Variants in SMYD3 observed in about 807,000 individuals in gnomAD.
SMYD3 encodes the protein histone-lysine N-methyltransferase SMYD3.
In SMYD3, 36 loss-of-function variants were observed where a neutral mutation model predicts 57.7. The ratio of observed to expected loss-of-function variants is 0.62; its 90% confidence interval spans 0.48 to 0.82. SMYD3 has a LOEUF of 0.82. Ranked by LOEUF, SMYD3 falls within the 40% of genes least tolerant of loss-of-function variation. The pLI is 0.00. For synonymous variants in SMYD3, 211 were observed against 195.0 expected (o/e 1.08, Z -0.68); for missense variants, 515 against 538.8 (o/e 0.96, Z 0.44).
At chr1:245,998,451 A>T (rs2058973478) in intron 5 of SMYD3, among the ~76,000 whole-genome samples, 1 of 152,176 alleles carries the variant, frequency 6.6e-6, no homozygotes, top group Non-Finnish European at 1.5e-5. Context: ...TTTACTAGCC[A>T]ATATTTCCAT....
chr1:246,191,432 C>T (rs753244268), intron 5 of SMYD3, among the ~76,000 whole-genome samples: 1 of 152,112 alleles, frequency 6.6e-6, no homozygotes, highest in Non-Finnish European at 1.5e-5. Flanking sequence ...GGTTTTGTTT[C>T]TTCAGAAAGA....
intron 8 of SMYD3, among the ~76,000 whole-genome samples, chr1:245,873,398 C>T (rs369546369): frequency 5.6e-4 from 85 of 152,302 alleles, no homozygotes; most frequent in African/African-American, 2.0e-3. Context: ...CTACCCAAGT[C>T]CTGCCAATAC....
At chr1:246,064,257 C>G (rs1034276216) in intron 5 of SMYD3, among the ~76,000 whole-genome samples, 2 of 152,196 alleles carry the variant, frequency 1.3e-5, no homozygotes, top group African/African-American at 4.8e-5. Flanking sequence ...TGCCCTCAAC[C>G]TCCCGAGCAT....
chr1:245,952,057 GC>G (rs768386579), intron 5 of SMYD3, among the ~76,000 whole-genome samples: 1 of 144,872 alleles, frequency 6.9e-6, no homozygotes, highest in South Asian at 2.2e-4. Context: ...ATTAGAATTT[GC>G]CGTTTCTGGA....
chr1:246,376,858 G>A (rs1209083332), intron 1 of SMYD3, among the ~76,000 whole-genome samples: 1 of 151,958 alleles, frequency 6.6e-6, no homozygotes, highest in African/African-American at 2.4e-5. Context: ...CCAGCACTTT[G>A]GGAGGCTGAG....
intron 10 of SMYD3, among the ~76,000 whole-genome samples, chr1:245,840,605 TAGAGA>T (rs2050351616): frequency 6.6e-6 from 1 of 152,062 alleles, no homozygotes; most frequent in Non-Finnish European, 1.5e-5. Context: ...AGATGTAGAA[TAGAGA>T]AAAGAACATA....
At chr1:246,311,665 GCACACA>G (rs1409150621) in intron 5 of SMYD3, among the ~76,000 whole-genome samples, 1 of 152,062 alleles carries the variant, frequency 6.6e-6, no homozygotes, top group Non-Finnish European at 1.5e-5. Flanking sequence ...GCGCACGCGC[GCACACA>G]CACGCACACA....
chr1:246,088,482 C>T (rs569242934), intron 5 of SMYD3, among the ~76,000 whole-genome samples: 21 of 130,366 alleles, frequency 1.6e-4, no homozygotes, highest in South Asian at 7.8e-4. Flanking sequence ...TGGTGACAGG[C>T]GCCTGTAGTC....
chr1:246,228,622 T>C (rs1333997141), intron 5 of SMYD3, among the ~76,000 whole-genome samples: 1 of 152,216 alleles, frequency 6.6e-6, no homozygotes, highest in Non-Finnish European at 1.5e-5. Context: ...TAGTATCTAT[T>C]AATAGATACA....
intron 5 of SMYD3, among the ~76,000 whole-genome samples, chr1:246,144,515 T>C (rs1008033715): frequency 6.6e-6 from 1 of 152,182 alleles, no homozygotes; most frequent in Admixed American, 6.5e-5. Flanking sequence ...GAAGCTCCTG[T>C]TTTATTCTTC....
intron 2 of SMYD3, among the ~76,000 whole-genome samples, chr1:246,340,380 C>A (rs1315615187): frequency 6.6e-6 from 1 of 151,372 alleles, no homozygotes; most frequent in Non-Finnish European, 1.5e-5. Flanking sequence ...AAAGGCCTTA[C>A]AAATAACTTT....
intron 10 of SMYD3, among the ~76,000 whole-genome samples, chr1:245,839,796 G>C (rs2050307059): frequency 1.3e-5 from 2 of 151,690 alleles, no homozygotes; most frequent in Non-Finnish European, 2.9e-5. Flanking sequence ...GAATTAATAA[G>C]CAGGGGGAAA....
At chr1:245,942,940 A>T (rs766015534) in intron 5 of SMYD3, among the ~76,000 whole-genome samples, 2 of 152,150 alleles carry the variant, frequency 1.3e-5, no homozygotes, top group African/African-American at 2.4e-5. Context: ...AACCAATGAG[A>T]ACGAAGAAAC....
intron 5 of SMYD3, among the ~76,000 whole-genome samples, chr1:246,183,781 C>G (rs2062590611): frequency 6.6e-6 from 1 of 152,118 alleles, no homozygotes; most frequent in Admixed American, 6.5e-5. Context: ...GAAGCTTCTA[C>G]TATTTGGCTG....
chr1:245,863,554 C>T (rs1378290557), intron 9 of SMYD3, among the ~76,000 whole-genome samples: 1 of 152,186 alleles, frequency 6.6e-6, no homozygotes, highest in Non-Finnish European at 1.5e-5. Context: ...TACTGCTAGG[C>T]CATGAGTTTT....
chr1:246,135,637 G>GAC (rs372041525), intron 5 of SMYD3, among the ~76,000 whole-genome samples: 2,917 of 150,622 alleles, frequency 0.019, 36 homozygotes, highest in Non-Finnish European at 0.027. Context: ...AATTGTCTCA[G>GAC]ACACACACAC....
intron 5 of SMYD3, among the ~76,000 whole-genome samples, chr1:246,276,880 A>T (rs575114863): frequency 2.6e-5 from 4 of 151,772 alleles, no homozygotes; most frequent in African/African-American, 9.7e-5. Flanking sequence ...CTGGCAGGTT[A>T]TTTAATGTTT....
chr1:246,482,925 TAC>T (rs1025053298), intron 1 of SMYD3, among the ~76,000 whole-genome samples: 2 of 140,574 alleles, frequency 1.4e-5, no homozygotes, highest in African/African-American at 5.0e-5. Flanking sequence ...CCCCAGAGTC[TAC>T]AGTTATATGC....
At chr1:245,795,079 G>A (rs1193934577) in intron 10 of SMYD3, among the ~76,000 whole-genome samples, 1 of 152,074 alleles carries the variant, frequency 6.6e-6, no homozygotes, top group African/African-American at 2.4e-5. Flanking sequence ...ATCTGTCTCT[G>A]TCCCTGTCTC....
Sources: gnomAD v4.1 joint callset for allele counts (sites outside exome capture counted in the v4.1 genomes callset) on GRCh38, gnomAD v4.1.1 for gene constraint, MANE v1.5 for transcripts, NCBI Gene and HGNC (gene_info 2026-07-23, HGNC 2026-07-21) for gene names.